BNC2: variants seen among roughly 807,000 people sequenced by gnomAD.
The protein encoded by BNC2 is zinc finger protein basonuclin-2.
In BNC2, 20 loss-of-function variants were observed where a neutral mutation model predicts 76.3. The observed-to-expected ratio is 0.26, with a 90% CI of 0.18 to 0.38. BNC2 has a LOEUF of 0.38. Among genes scored for constraint, BNC2 ranks in the 10% least tolerant of loss-of-function variants. BNC2 has a pLI of 1.00. For synonymous variants in BNC2, 582 were observed against 514.8 expected (o/e 1.13, Z -1.77); for missense variants, 1,382 against 1,399.8 (o/e 0.99, Z 0.20).
At chr9:16,832,388 A>G in intron 1 of BNC2, 15 of 1,009,280 alleles carry the variant, frequency 1.5e-5, no homozygotes, top group Non-Finnish European at 1.9e-5. Flanking sequence ...TGTTTTGCCC[A>G]GTTTTAGAGG....
chr9:16,487,081 C>T (rs1822180272), intron 5 of BNC2, among the ~76,000 whole-genome samples: 1 of 152,186 alleles, frequency 6.6e-6, no homozygotes, highest in African/African-American at 2.4e-5. Flanking sequence ...CTATATTCCC[C>T]TTTTACAGAT....
intron 1 of BNC2, chr9:16,868,135 C>G (rs1437213868): frequency 1.3e-5 from 2 of 152,110 alleles, no homozygotes; most frequent in Non-Finnish European, 2.9e-5. Flanking sequence ...CGTGACATGG[C>G]AAGATGAAAC....
chr9:16,629,831 T>C (rs1309351221), intron 3 of BNC2, among the ~76,000 whole-genome samples: 1 of 152,248 alleles, frequency 6.6e-6, no homozygotes, highest in South Asian at 2.1e-4. Context: ...GTAATCTTTT[T>C]GCTGGCAGAG....
intron 1 of BNC2, among the ~76,000 whole-genome samples, chr9:16,857,775 A>G (rs1299764539): frequency 1.3e-5 from 2 of 152,248 alleles, no homozygotes; most frequent in Non-Finnish European, 2.9e-5. Context: ...AGAATGGTCC[A>G]TCAGAATACT....
intron 4 of BNC2, among the ~76,000 whole-genome samples, chr9:16,578,677 G>A (rs1171260835): frequency 6.6e-6 from 1 of 152,002 alleles, no homozygotes; most frequent in Admixed American, 6.6e-5. Flanking sequence ...CACCAGAAAA[G>A]GAGCCCATTA....
intron 6 of BNC2, chr9:16,435,185 AATATATAT>A: frequency 2.5e-6 from 1 of 393,586 alleles, no homozygotes; most frequent in Admixed American, 3.5e-5. Context: ...TAAATATATA[AATATATAT>A]ATAACAGAAG....
chr9:16,820,976 T>C (rs1380428654), intron 1 of BNC2, among the ~76,000 whole-genome samples: 1 of 151,982 alleles, frequency 6.6e-6, no homozygotes, highest in Non-Finnish European at 1.5e-5. Flanking sequence ...AGGAGCACTG[T>C]AATCCCAGAA....
At chr9:16,673,543 A>G (rs1822548175) in intron 3 of BNC2, among the ~76,000 whole-genome samples, 3 of 152,148 alleles carry the variant, frequency 2.0e-5, no homozygotes. Context: ...AGTCCCAGTC[A>G]AGAAAGATCT....
chr9:16,457,228 A>T (rs576648290), intron 5 of BNC2, among the ~76,000 whole-genome samples: 70 of 152,350 alleles, frequency 4.6e-4, no homozygotes, highest in Middle Eastern at 6.8e-3. Flanking sequence ...AGGGGTGTCA[A>T]TAGAAAAAAT....
intron 3 of BNC2, among the ~76,000 whole-genome samples, chr9:16,653,315 A>T (rs1821841871): frequency 6.6e-6 from 1 of 152,158 alleles, no homozygotes; most frequent in East Asian, 1.9e-4. Flanking sequence ...ACGCACTCAC[A>T]AATGTAAGTG....
At chr9:16,500,717 C>A (rs749545920) in intron 5 of BNC2, among the ~76,000 whole-genome samples, 2 of 152,148 alleles carry the variant, frequency 1.3e-5, no homozygotes, top group African/African-American at 2.4e-5. Flanking sequence ...ATCCCTTAAT[C>A]ATTTTAAAAT....
At chr9:16,763,859 C>T (rs1243840159) in intron 1 of BNC2, among the ~76,000 whole-genome samples, 1 of 152,196 alleles carries the variant, frequency 6.6e-6, no homozygotes, top group African/African-American at 2.4e-5. Context: ...TTAACCAACA[C>T]CTAGTGTTTG....
chr9:16,746,655 G>A (rs138981601), intron 1 of BNC2, among the ~76,000 whole-genome samples: 2,086 of 151,076 alleles, frequency 0.014, 57 homozygotes, highest in African/African-American at 0.046. Flanking sequence ...GTGAACAACC[G>A]CGCCTGGCCT....
intron 3 of BNC2, among the ~76,000 whole-genome samples, chr9:16,689,647 A>C (rs1823092782): frequency 6.8e-6 from 1 of 146,310 alleles, no homozygotes; most frequent in African/African-American, 2.5e-5. Context: ...TGTAAGTTTA[A>C]AAAAAAAAAA....
At chr9:16,857,147 T>C (rs1819278831) in intron 1 of BNC2, among the ~76,000 whole-genome samples, 1 of 152,108 alleles carries the variant, frequency 6.6e-6, no homozygotes, top group Non-Finnish European at 1.5e-5. Flanking sequence ...AAAATTTACG[T>C]CTGGTAAACA....
At chr9:16,530,275 A>G (rs1269378857) in intron 5 of BNC2, among the ~76,000 whole-genome samples, 1 of 151,896 alleles carries the variant, frequency 6.6e-6, no homozygotes, top group Admixed American at 6.6e-5. Context: ...CTCTTTGCAG[A>G]TTTTCTCCCT....
At position 16,446,254 on chromosome 9, in the gene BNC2, C is replaced by T. The variant is rs75545168; in HGVS notation, c.670-8730G>A. Among the ~76,000 whole-genome samples the T allele has an allele frequency of 7.9e-3, 1,207 of 151,874 alleles. 18 individuals are homozygous for T. Among genetic ancestry groups the T allele is most frequent in the African/African-American group, 0.027 (1,135 of 41,402 alleles). ...TAGCATTCAAAGTGCTTCAACTTAG[C>T]GAATGGTGATATAATGAGGTGAGGT... On this transcript the variant is annotated intron_variant, in intron 5 of 6. Coordinates refer to ENST00000380672, the MANE Select transcript of BNC2 (RefSeq NM_017637.6).
chr9:16,445,512 C>T (rs1036642411), intron 5 of BNC2, among the ~76,000 whole-genome samples: 15 of 151,638 alleles, frequency 9.9e-5, no homozygotes, highest in African/African-American at 3.4e-4. Context: ...TTTAAATCAA[C>T]ATTTGTTTTG....
rs768028981 is a variant in BNC2 at position 16,808,479 on chromosome 9, C to CTTTTTTTT, written c.3+62159_3+62166dup. On this transcript the variant is annotated intron_variant, in intron 1 of 6. Coordinates refer to ENST00000380672, the MANE Select transcript of BNC2 (RefSeq NM_017637.6). The stretch of plus-strand genomic sequence containing the variant: ...ATCCTAGTTGTGTGATCTTGGGCAA[C>CTTTTTTTT]TTTTTTTTTTTTTTTTTTTTTTTTT... Among the ~76,000 whole-genome samples the CTTTTTTTT allele has an allele frequency of 1.0e-4, 8 of 78,678 alleles. 1 individual carries two copies. Among genetic ancestry groups the CTTTTTTTT allele is most frequent in the Non-Finnish European group, 1.8e-4 (8 of 45,216 alleles). The allele number at this position is 78,678 out of a possible 152,430, so 51.6% of individuals were successfully genotyped here. A position where few individuals can be genotyped will look rare whatever the true frequency, so the allele number is the denominator to read the frequency against.
Sources: allele counts gnomAD v4.1 joint callset (sites outside exome capture counted in the v4.1 genomes callset), GRCh38; gene constraint gnomAD v4.1.1; transcripts MANE v1.5; gene names NCBI Gene and HGNC (gene_info 2026-07-23, HGNC 2026-07-21).